AGAP1: variants seen among roughly 807,000 people sequenced by gnomAD.
AGAP1 encodes the protein arf-GAP with GTPase, ANK repeat and PH domain-containing protein 1.
Under a neutral mutation model 105.3 loss-of-function variants are expected in AGAP1, and 29 were observed. The observed-to-expected ratio is 0.28, with a 90% confidence interval of 0.21 to 0.38. The LOEUF (loss-of-function observed/expected upper bound fraction) is 0.38. Ranked by LOEUF, AGAP1 falls within the 10% of genes least tolerant of loss-of-function variation. AGAP1 has a pLI of 1.00. For synonymous variants in AGAP1, 509 were observed against 485.9 expected (o/e 1.05, Z -0.63); for missense variants, 998 against 1,165.1 (o/e 0.86, Z 2.09).
chr2:235,841,114 G>A (rs1416537606), intron 9 of AGAP1, among the ~76,000 whole-genome samples: 1 of 152,130 alleles, frequency 6.6e-6, no homozygotes, highest in Non-Finnish European at 1.5e-5. Context: ...GAGCAGAAGC[G>A]GCGGCAGGGC....
chr2:235,999,857 T>C (rs2056037018), intron 13 of AGAP1, among the ~76,000 whole-genome samples: 1 of 152,094 alleles, frequency 6.6e-6, no homozygotes, highest in African/African-American at 2.4e-5. Context: ...CGGGGCAGTG[T>C]TCTGACTTCC....
intron 16 of AGAP1, among the ~76,000 whole-genome samples, chr2:236,107,168 G>C (rs1400400020): frequency 1.3e-5 from 2 of 150,658 alleles, no homozygotes; most frequent in Admixed American, 6.6e-5. Flanking sequence ...GAGGCAGCAG[G>C]CCTTGAATCA....
intron 9 of AGAP1, among the ~76,000 whole-genome samples, chr2:235,829,298 C>T (rs189504216): frequency 7.2e-5 from 11 of 152,224 alleles, no homozygotes; most frequent in East Asian, 1.9e-4. Context: ...ATTCCACTTT[C>T]GTCATCAAGG....
chr2:235,752,327 G>A lies in AGAP1; in HGVS notation c.673+1839G>A, dbSNP rs572557000. On this transcript the variant is annotated intron_variant, in intron 6 of 17. Transcript: ENST00000304032. This position sits in a 1 kb window ranked among gnomAD's most constrained non-coding sequence, Gnocchi z 4.3. ...CCAGTAGCTGGAATTACAGGTACAC[G>A]CTGCCACACCTGGCTAATTTTTTGC... Among the ~76,000 whole-genome samples, 3 of 152,130 alleles carry A rather than the reference G, an allele frequency of 2.0e-5. No individual in the cohort carries two copies. Among genetic ancestry groups the A allele is most frequent in the South Asian group, 2.1e-4 (1 of 4,816 alleles).
At chr2:235,998,894 A>AGTG (rs2055939980) in intron 13 of AGAP1, among the ~76,000 whole-genome samples, 1 of 126,528 alleles carries the variant, frequency 7.9e-6, no homozygotes, top group South Asian at 2.6e-4. Flanking sequence ...TGGTGGTGGT[A>AGTG]GTGGTGACGG....
chr2:235,923,505 G>A (rs986455683), intron 11 of AGAP1, among the ~76,000 whole-genome samples: 3 of 138,460 alleles, frequency 2.2e-5, no homozygotes, highest in South Asian at 2.2e-4. Flanking sequence ...TTCCTGTCCC[G>A]TGCACCCCCA....
rs1370718385 is a variant in AGAP1 at position 235,824,354 on chromosome 2, G to C, written c.1050+17023G>C. The stretch of plus-strand genomic sequence containing the variant: ...GATTACTAGTTCTTTAAAATGTACT[G>C]TACTCACTGTGGGTCTTGCAAATTG... On this transcript the variant is annotated intron_variant, in intron 9 of 17. Transcript: ENST00000304032. This position sits in a 1 kb window ranked among gnomAD's most constrained non-coding sequence, Gnocchi z 5.2. 6.6e-6 allele frequency among the ~76,000 whole-genome samples: 1 copy of C among 152,196 alleles called. No homozygotes were observed. Among genetic ancestry groups the C allele is most frequent in the African/African-American group, 2.4e-5 (1 of 41,452 alleles).
At position 235,992,988 on chromosome 2, in the gene AGAP1, C is replaced by A. The variant is rs909771674; in HGVS notation, c.1645+24365C>A. Among the ~76,000 whole-genome samples, 47 of 152,162 alleles carry A rather than the reference C, an allele frequency of 3.1e-4. No homozygotes were observed. Among genetic ancestry groups the A allele is most frequent in the African/African-American group, 1.1e-3 (46 of 41,428 alleles). On this transcript the variant is annotated intron_variant, in intron 13 of 17. Coordinates refer to ENST00000304032, the MANE Select transcript of AGAP1 (RefSeq NM_001037131.3). The surrounding 1 kb of genome is among the most constrained non-coding windows in gnomAD (Gnocchi z 4.8). Reference sequence around the variant, plus strand: ...CCTCCATGCTGACGTGTCTGCCTTTCATGAAAGATAGTAGCAAAAGTTATT... The same window carrying A: ...CCTCCATGCTGACGTGTCTGCCTTTAATGAAAGATAGTAGCAAAAGTTATT...
chr2:235,974,130 C>T (rs765565578), intron 13 of AGAP1, among the ~76,000 whole-genome samples: 1 of 152,136 alleles, frequency 6.6e-6, no homozygotes, highest in African/African-American at 2.4e-5. Flanking sequence ...CCCTGTTTCC[C>T]CAGTGAAAAG....
In AGAP1 at chr2:235,842,650, C is replaced by T. The variant is rs1262920079; in HGVS notation, c.1050+35319C>T. On this transcript the variant is annotated intron_variant, in intron 9 of 17. Transcript: ENST00000304032. This position sits in a 1 kb window ranked among gnomAD's most constrained non-coding sequence, Gnocchi z 5.3. ...AAAAAGACCCACCTGTAGCAAGCCT[C>T]CATGTGGATTTGAGTTTCTTACCCT... Among the ~76,000 whole-genome samples, 6 of 152,178 alleles carry T rather than the reference C, an allele frequency of 3.9e-5. No homozygotes were observed. The highest frequency in any genetic ancestry group is 5.9e-5 in the Non-Finnish European group (4 of 68,038).
rs1322850231 is a variant in AGAP1, at chr2:236,027,374, T to C, written c.1646-9187T>C. On this transcript the variant is annotated intron_variant, in intron 13 of 17. Coordinates refer to ENST00000304032, the MANE Select transcript of AGAP1 (RefSeq NM_001037131.3). The surrounding 1 kb of genome is among the most constrained non-coding windows in gnomAD (Gnocchi z 4.4). ...AGGCTCTGTGCTCAGATGTTAATCC[T>C]TCCTCAGGAAGCAAGGTCCAGCTGC... Among the ~76,000 whole-genome samples the C allele has an allele frequency of 6.6e-6, 1 of 152,148 alleles. No homozygotes were observed. Among genetic ancestry groups the C allele is most frequent in the Non-Finnish European group, 1.5e-5 (1 of 68,014 alleles).
At chr2:235,703,562 TTCCCCTCCCCCGCTTCCC>T (rs1299019767) in intron 1 of AGAP1, among the ~76,000 whole-genome samples, 3 of 39,036 alleles carry the variant, frequency 7.7e-5, no homozygotes, top group South Asian at 9.9e-4. Flanking sequence ...CTCCCCCTCC[TTCCCCTCCCCCGCTTCCC>T]TCCCCTCCCC....
In AGAP1 at chr2:236,098,620, C is replaced by CTTTTTTTTTTTT. The variant is rs34419216; in HGVS notation, c.2115-21564_2115-21553dup. Among the ~76,000 whole-genome samples, 15 of 115,226 alleles carry CTTTTTTTTTTTT rather than the reference C, an allele frequency of 1.3e-4. 1 individual carries two copies. The East Asian group carries it at 2.1e-3, about 16-fold the overall frequency. The allele number at this position is 115,226 out of a possible 152,430, so 75.6% of individuals were successfully genotyped here. ...GCTGACTTGATGAAATCTTTTTTTC[C>CTTTTTTTTTTTT]TTTTTTTTTTTTTTTTTTTAGAGAA... On this transcript the variant is annotated intron_variant, in intron 16 of 17. Transcript: ENST00000304032.
At chr2:235,595,023 G>A (rs1247790426) in intron 1 of AGAP1, among the ~76,000 whole-genome samples, 8 of 151,584 alleles carry the variant, frequency 5.3e-5, no homozygotes, top group Non-Finnish European at 1.0e-4. Flanking sequence ...GGCACCTCCC[G>A]GCATGTGGAC....
chr2:235,798,341 T>C (rs1214075278), intron 7 of AGAP1, among the ~76,000 whole-genome samples: 1 of 152,246 alleles, frequency 6.6e-6, no homozygotes, highest in African/African-American at 2.4e-5. Context: ...TTTGCAAAAG[T>C]ATTTACTTGG....
intron 6 of AGAP1, among the ~76,000 whole-genome samples, chr2:235,768,732 C>G (rs1955180606): frequency 6.6e-6 from 1 of 152,176 alleles, no homozygotes; most frequent in South Asian, 2.1e-4. Context: ...GTGGGCACGG[C>G]TTTGTAGAGA....
chr2:235,514,866 T>G (rs915691178), intron 1 of AGAP1, among the ~76,000 whole-genome samples: 2 of 152,178 alleles, frequency 1.3e-5, no homozygotes, highest in African/African-American at 4.8e-5. Flanking sequence ...ACAGTCTGTG[T>G]AGCAACAAGG....
intron 9 of AGAP1, among the ~76,000 whole-genome samples, chr2:235,857,168 C>A (rs572574221): frequency 2.0e-5 from 3 of 152,140 alleles, no homozygotes; most frequent in Non-Finnish European, 4.4e-5. Context: ...AGTGAGTGAG[C>A]ATTACTGCCT....
intron 1 of AGAP1, among the ~76,000 whole-genome samples, chr2:235,593,916 C>G (rs1432125374): frequency 3.9e-5 from 6 of 152,068 alleles, no homozygotes; most frequent in Non-Finnish European, 5.9e-5. Flanking sequence ...CTACAGTGAG[C>G]CATGATTGTG....
Sources: allele counts gnomAD v4.1 joint callset (sites outside exome capture counted in the v4.1 genomes callset), GRCh38; gene constraint gnomAD v4.1.1; non-coding constraint Gnocchi (gnomAD v3.1); transcripts MANE v1.5; gene names NCBI Gene and HGNC (gene_info 2026-07-23, HGNC 2026-07-21).